The following INPP4B variants were observed in gnomAD, a reference collection of about 807,000 sequenced individuals.
The protein encoded by INPP4B is inositol polyphosphate 4-phosphatase type II.
Under a neutral mutation model 122.5 loss-of-function variants are expected in INPP4B, and 55 were observed. The ratio of observed to expected loss-of-function variants is 0.45; its 90% CI spans 0.36 to 0.56. The LOEUF is 0.56. Ranked by LOEUF, INPP4B falls within the 20% of genes least tolerant of loss-of-function variation. INPP4B has a pLI of 0.00. For synonymous variants in INPP4B, 403 were observed against 388.7 expected (o/e 1.04, Z -0.43); for missense variants, 1,000 against 1,097.7 (o/e 0.91, Z 1.26).
chr4:142,717,364 C>G (rs185658212), intron 2 of INPP4B, among the ~76,000 whole-genome samples: 178 of 152,274 alleles, frequency 1.2e-3, no homozygotes, highest in Non-Finnish European at 1.7e-3. Context: ...ATGTAAGAAT[C>G]TTTCTTTCCC....
chr4:142,167,600 C>T (rs1055216198), intron 16 of INPP4B, among the ~76,000 whole-genome samples: 4 of 151,548 alleles, frequency 2.6e-5, no homozygotes, highest in Non-Finnish European at 5.9e-5. Flanking sequence ...TTCTGCTGTG[C>T]TTTTGTCTAG....
chr4:142,621,019 GC>G (rs1009287926), intron 2 of INPP4B, among the ~76,000 whole-genome samples: 9 of 151,684 alleles, frequency 5.9e-5, no homozygotes, highest in African/African-American at 2.2e-4. Flanking sequence ...TATTGAAGGA[GC>G]TTTTTTTTTA....
At chr4:142,787,644 G>A (rs972598093) in intron 1 of INPP4B, among the ~76,000 whole-genome samples, 1 of 151,944 alleles carries the variant, frequency 6.6e-6, no homozygotes, top group Non-Finnish European at 1.5e-5. Flanking sequence ...AGCAATAGTT[G>A]GGAATTACAA....
intron 1 of INPP4B, among the ~76,000 whole-genome samples, chr4:142,814,856 G>GT (rs1779938142): frequency 6.6e-6 from 1 of 152,160 alleles, no homozygotes; most frequent in African/African-American, 2.4e-5. Context: ...TGGAGCATAA[G>GT]TTCCCCCATT....
intron 2 of INPP4B, among the ~76,000 whole-genome samples, chr4:142,725,494 T>A (rs1765227970): frequency 6.6e-6 from 1 of 152,276 alleles, no homozygotes. Context: ...GGTCTAATGC[T>A]GTTATTACCT....
At chr4:142,364,384 A>G (rs1477980366) in intron 7 of INPP4B, among the ~76,000 whole-genome samples, 3 of 152,002 alleles carry the variant, frequency 2.0e-5, no homozygotes, top group Admixed American at 2.0e-4. Context: ...GACACTTGCA[A>G]TAGACTCTTG....
In INPP4B at chr4:142,069,666, C is replaced by T. The variant is rs189517512; in HGVS notation, c.2642+12365G>A. On this transcript the variant is annotated intron_variant, in intron 25 of 25. Coordinates refer to ENST00000262992, the MANE Select transcript of INPP4B (RefSeq NM_001101669.3). Reference sequence around the variant, plus strand: ...GATAAAGGGGATATCAACACCTATCCCACAGAAATACAAACACTATCAGAG... The same window carrying T: ...GATAAAGGGGATATCAACACCTATCTCACAGAAATACAAACACTATCAGAG... Among the ~76,000 whole-genome samples the T allele has an allele frequency of 1.2e-3, 187 of 152,192 alleles. 1 individual carries two copies. Among genetic ancestry groups the T allele is most frequent in the Non-Finnish European group, 2.1e-3 (142 of 68,004 alleles).
At chr4:142,658,268 C>T (rs1182369872) in intron 2 of INPP4B, among the ~76,000 whole-genome samples, 1 of 152,172 alleles carries the variant, frequency 6.6e-6, no homozygotes, top group Non-Finnish European at 1.5e-5. Context: ...CTCTTAAATA[C>T]AGGCTTCTGA....
At chr4:142,222,196 G>A (rs1849656080) in intron 12 of INPP4B, among the ~76,000 whole-genome samples, 1 of 152,190 alleles carries the variant, frequency 6.6e-6, no homozygotes, top group South Asian at 2.1e-4. Flanking sequence ...CTGGCCTCAG[G>A]TGATTCACCT....
intron 1 of INPP4B, among the ~76,000 whole-genome samples, chr4:142,809,516 G>T (rs1437495150): frequency 6.6e-6 from 1 of 152,070 alleles, no homozygotes; most frequent in Non-Finnish European, 1.5e-5. Context: ...TACCTCTATA[G>T]TAATAGGTAC....
At chr4:142,569,802 A>T (rs539374905) in intron 2 of INPP4B, among the ~76,000 whole-genome samples, 1 of 152,184 alleles carries the variant, frequency 6.6e-6, no homozygotes, top group Non-Finnish European at 1.5e-5. Flanking sequence ...TGAAAAATGA[A>T]GGATGCTTTC....
intron 23 of INPP4B, among the ~76,000 whole-genome samples, chr4:142,096,889 C>G (rs1354363066): frequency 6.6e-6 from 1 of 152,076 alleles, no homozygotes; most frequent in East Asian, 1.9e-4. Context: ...GACTGGGAGT[C>G]AGAGAACATG....
At chr4:142,483,481 A>G (rs1820834571) in intron 2 of INPP4B, among the ~76,000 whole-genome samples, 1 of 152,044 alleles carries the variant, frequency 6.6e-6, no homozygotes, top group Non-Finnish European at 1.5e-5. Flanking sequence ...ATTCAGTTTC[A>G]GGTTTTCATT....
chr4:142,759,825 T>TAAAAAAAAAAAAAAA lies in INPP4B; in HGVS notation c.-253-33939_-253-33925dup, dbSNP rs70949188. ...CCCAGAGCTTATATAGAGCTTTTTC[T>TAAAAAAAAAAAAAAA]AAAAAAAAAAAAAAAAAAAAAAAAA... On this transcript the variant is annotated intron_variant, in intron 1 of 25. Transcript: ENST00000262992. Among the ~76,000 whole-genome samples the TAAAAAAAAAAAAAAA allele has an allele frequency of 3.8e-3, 264 of 70,030 alleles. 2 individuals are homozygous for TAAAAAAAAAAAAAAA. Among genetic ancestry groups the TAAAAAAAAAAAAAAA allele is most frequent in the Middle Eastern group, 0.027 (2 of 74 alleles). 45.9% of individuals were successfully genotyped at this position (70,030 alleles called of 152,430 possible).
At chr4:142,542,608 T>C (rs559337797) in intron 2 of INPP4B, among the ~76,000 whole-genome samples, 1 of 152,342 alleles carries the variant, frequency 6.6e-6, no homozygotes, top group Non-Finnish European at 1.5e-5. Flanking sequence ...TGGAGTTGAT[T>C]ATTAAAGAAT....
chr4:142,314,802 A>C (rs1202009754), intron 7 of INPP4B, 40 bp from the exon 8 acceptor site: 1 of 1,543,754 alleles, frequency 6.5e-7, no homozygotes, highest in African/African-American at 1.4e-5. Flanking sequence ...TTGGAGTAGA[A>C]ACTAGTGCAG....
At chr4:142,195,487 C>G (rs1837790156) in intron 14 of INPP4B, among the ~76,000 whole-genome samples, 1 of 152,164 alleles carries the variant, frequency 6.6e-6, no homozygotes, top group Admixed American at 6.5e-5. Context: ...ACCTTTTAGA[C>G]TTGATGGATT....
At chr4:142,029,161 T>C in intron 25 of INPP4B, 1 of 1,165,536 alleles carries the variant, frequency 8.6e-7, no homozygotes, top group African/African-American at 1.6e-5. Flanking sequence ...TTTAATAAAC[T>C]CTTTAAATAT....
chr4:142,512,107 C>T (rs1824794855), intron 2 of INPP4B, among the ~76,000 whole-genome samples: 1 of 152,096 alleles, frequency 6.6e-6, no homozygotes, highest in African/African-American at 2.4e-5. Flanking sequence ...ATCTTAGTTA[C>T]TCAAAAGCAG....
Sources: allele counts gnomAD v4.1 joint callset (sites outside exome capture counted in the v4.1 genomes callset), GRCh38; gene constraint gnomAD v4.1.1; transcripts MANE v1.5; gene names NCBI Gene and HGNC (gene_info 2026-07-23, HGNC 2026-07-21).